The following XG variants were observed in gnomAD, a reference collection of about 807,000 sequenced individuals.
XG encodes Xg glycoprotein (Xg blood group).
Under a neutral mutation model 25.7 loss-of-function variants are expected in XG, and 24 were observed. The ratio of observed to expected loss-of-function variants is 0.93; its 90% CI spans 0.68 to 1.31. The LOEUF (loss-of-function observed/expected upper bound fraction) is 1.31, where lower values mean the gene tolerates loss of function less well. XG is among the 40% of genes most tolerant of loss of function. The pLI is 0.00. For missense variants in XG, 181 were observed against 187.6 expected (o/e 0.96, Z 0.21); for synonymous variants, 77 against 69.2 (o/e 1.11, Z -0.56).
rs1473213271 is a variant in XG, at chrX:2,774,719, C to G, written c.107C>G (p.Pro36Arg). 3.1e-6 allele frequency: 5 copies of G among 1,613,722 alleles called. No individual in the cohort carries two copies. The East Asian group carries it at 1.1e-4, about 36-fold the overall frequency. ...TATTTTCTCTCTTTGTTCACAGAAC[C>G]CACCAAGAAGCCAAACTCAGGTGAG... ...DLADALDDPE[P>R]TKKPNSDIYP... is the part of the protein sequence containing the mutation. The change falls in exon 3 of 11, where the codon CCC (proline) becomes CGC (arginine). Residue 36 changes from proline (P) to arginine (R), a missense_variant. Pro to Arg is a moderately radical substitution (Grantham distance 103). Transcript: ENST00000644266.
At chrX:2,765,438 G>A (rs2050663803) in intron 1 of XG, among the ~76,000 whole-genome samples, 1 of 150,230 alleles carries the variant, frequency 6.7e-6, no homozygotes, top group Admixed American at 6.6e-5. Flanking sequence ...AAAGGGCTTT[G>A]TTTCACCAGG....
intron 6 of XG, among the ~76,000 whole-genome samples, chrX:2,796,947 C>T (rs2086891237): frequency 8.9e-6 from 1 of 112,117 alleles, no homozygotes; most frequent in Admixed American, 9.5e-5. Flanking sequence ...ACGATTGAGA[C>T]CATCTGCTGG....
chrX:2,807,436 A>G (rs2087010569), intron 8 of XG, among the ~76,000 whole-genome samples: 1 of 111,738 alleles, frequency 8.9e-6, no homozygotes, highest in Admixed American at 9.4e-5. Flanking sequence ...GCATGCACAC[A>G]CACACATGAA....
chrX:2,786,260 CTTTT>C (rs1179667048), intron 4 of XG, among the ~76,000 whole-genome samples: 7 of 60,566 alleles, frequency 1.2e-4, no homozygotes, highest in Non-Finnish European at 1.4e-4. Context: ...TCCATGTTGT[CTTTT>C]TTTTTTTTTT....
At chrX:2,785,761 G>A (rs2147065060) in intron 4 of XG, among the ~76,000 whole-genome samples, 1 of 111,648 alleles carries the variant, frequency 9.0e-6, no homozygotes, top group African/African-American at 3.2e-5. Context: ...GCCCAGGCTA[G>A]CCTAGATTCC....
chrX:2,757,549 A>C (rs1411949707), intron 1 of XG, among the ~76,000 whole-genome samples: 4 of 152,102 alleles, frequency 2.6e-5, no homozygotes, highest in Non-Finnish European at 5.9e-5. Flanking sequence ...AGCTCTGAAC[A>C]GTAGCAAATC....
intron 3 of XG, among the ~76,000 whole-genome samples, chrX:2,775,322 G>T (rs1000848678): frequency 6.6e-6 from 1 of 152,188 alleles, no homozygotes; most frequent in Admixed American, 6.6e-5. Context: ...ACTGAAAATT[G>T]CTACAAAGTG....
intron 3 of XG, among the ~76,000 whole-genome samples, chrX:2,777,988 G>A (rs1353042429): frequency 6.6e-6 from 1 of 152,160 alleles, no homozygotes; most frequent in African/African-American, 2.4e-5. Context: ...GAAAAAAAAT[G>A]CGCAAAGCAA....
intron 1 of XG, among the ~76,000 whole-genome samples, chrX:2,766,376 T>C (rs893350989): frequency 1.3e-5 from 2 of 151,964 alleles, no homozygotes; most frequent in African/African-American, 2.4e-5. Flanking sequence ...CTTGACCTTG[T>C]GATCTGCCCT....
intron 7 of XG, among the ~76,000 whole-genome samples, chrX:2,802,212 T>C (rs1276449745): frequency 9.0e-6 from 1 of 110,641 alleles, no homozygotes; most frequent in Non-Finnish European, 1.9e-5. Context: ...TGGACTGCAG[T>C]GGTGAAATCA....
At chrX:2,802,161 CT>C (rs1006671597) in intron 7 of XG, among the ~76,000 whole-genome samples, 1 of 110,181 alleles carries the variant, frequency 9.1e-6, no homozygotes, top group African/African-American at 3.3e-5. Flanking sequence ...GGAGGTTTTG[CT>C]TTTTTTTCTT....
intron 5 of XG, among the ~76,000 whole-genome samples, chrX:2,792,278 C>G (rs755102447): frequency 9.0e-6 from 1 of 111,089 alleles, no homozygotes; most frequent in Non-Finnish European, 1.9e-5. Context: ...GGTGACAGAA[C>G]GAGACTCCAT....
chrX:2,790,281 A>T (rs1261691601), intron 5 of XG, among the ~76,000 whole-genome samples: 3 of 109,435 alleles, frequency 2.7e-5, no homozygotes, highest in Non-Finnish European at 5.7e-5. Context: ...TGGGCGGATC[A>T]CTTGAGGTCA....
chrX:2,757,658 A>G (rs1486268918), intron 1 of XG, among the ~76,000 whole-genome samples: 2 of 151,620 alleles, frequency 1.3e-5, no homozygotes, highest in Admixed American at 6.6e-5. Flanking sequence ...TGTTTAGTTT[A>G]CTTCTAAAAA....
At chrX:2,753,482 CATG>C (rs1245842965) in intron 1 of XG, among the ~76,000 whole-genome samples, 2 of 152,136 alleles carry the variant, frequency 1.3e-5, no homozygotes, top group Non-Finnish European at 2.9e-5. Flanking sequence ...CATGGTTTGA[CATG>C]ATGGTTCAAT....
rs977699707 is a variant in XG at position 2,761,675 on chromosome X, GC to G, written c.62-8874del. On this transcript the variant is annotated intron_variant, in intron 1 of 10. Transcript: ENST00000644266. ...TTATAAGCCACCCAGTCTATGGTAT[GC>G]TGTGACAGCAGCCTGAAATGGACTA... 7.6e-4 allele frequency among the ~76,000 whole-genome samples: 113 copies of G among 148,976 alleles called. 1 individual carries two copies. Among genetic ancestry groups the G allele is most frequent in the African/African-American group, 2.6e-3 (105 of 40,256 alleles).
chrX:2,798,158 CTTGG>C (rs2086902575), intron 7 of XG, among the ~76,000 whole-genome samples: 1 of 111,750 alleles, frequency 8.9e-6, no homozygotes. Flanking sequence ...AGGCTCTTGG[CTTGG>C]TTGAGTTTTT....
chrX:2,771,749 C>T (rs1451719006), intron 2 of XG, among the ~76,000 whole-genome samples: 1 of 152,146 alleles, frequency 6.6e-6, no homozygotes, highest in Non-Finnish European at 1.5e-5. Flanking sequence ...GAATGATAAC[C>T]AGATCTGATC....
chrX:2,796,814 C>T lies in XG; in HGVS notation c.323-496C>T, dbSNP rs778906435. On this transcript the variant is annotated intron_variant, in intron 6 of 10. Transcript: ENST00000644266. ...TTCGGACAACCAGATTGCATCCAGT[C>T]ATCTTTTCTGCCGTGTTTACTTGCA... is the stretch of plus-strand genomic sequence containing the variant. Among the ~76,000 whole-genome samples, 16 of 112,081 alleles carry T rather than the reference C, an allele frequency of 1.4e-4. No homozygotes were observed. The East Asian group carries it at 3.9e-3, about 27-fold the overall frequency.
Sources: allele counts gnomAD v4.1 joint callset (sites outside exome capture counted in the v4.1 genomes callset), GRCh38; gene constraint gnomAD v4.1.1; transcripts MANE v1.5; gene names NCBI Gene and HGNC (gene_info 2026-07-23, HGNC 2026-07-21).